PTPRN2: variants seen among roughly 807,000 people sequenced by gnomAD.
PTPRN2 encodes the protein receptor-type tyrosine-protein phosphatase N2.
In PTPRN2, 74 loss-of-function variants were observed where a neutral mutation model predicts 118.8. The ratio of observed to expected loss-of-function variants is 0.62; its 90% CI spans 0.52 to 0.76. The LOEUF (loss-of-function observed/expected upper bound fraction) is 0.76, where lower values mean the gene tolerates loss of function less well. Ranked by LOEUF, PTPRN2 falls within the 30% of genes least tolerant of loss-of-function variation. PTPRN2 has a pLI of 0.00. For synonymous variants in PTPRN2, 641 were observed against 608.0 expected (o/e 1.05, Z -0.80); for missense variants, 1,481 against 1,394.4 (o/e 1.06, Z -0.99).
intron 12 of PTPRN2, among the ~76,000 whole-genome samples, chr7:157,740,104 C>T (rs529315751): frequency 6.6e-6 from 1 of 152,340 alleles, no homozygotes; most frequent in Admixed American, 6.5e-5. Flanking sequence ...AGCAGGACCC[C>T]TTCCTCCATA....
At chr7:157,778,029 A>G (rs949865493) in intron 12 of PTPRN2, among the ~76,000 whole-genome samples, 2 of 152,158 alleles carry the variant, frequency 1.3e-5, no homozygotes, top group South Asian at 2.1e-4. Context: ...GCAAAAACCA[A>G]TTCAGACAGG....
At chr7:158,552,511 G>C (rs1826729462) in intron 1 of PTPRN2, among the ~76,000 whole-genome samples, 1 of 152,166 alleles carries the variant, frequency 6.6e-6, no homozygotes, top group African/African-American at 2.4e-5. Flanking sequence ...GTGCACTGAT[G>C]CAATCTCAGC....
chr7:158,238,401 G>A (rs975276155), intron 3 of PTPRN2, among the ~76,000 whole-genome samples: 7 of 152,080 alleles, frequency 4.6e-5, no homozygotes, highest in East Asian at 1.9e-4. Context: ...CAGGCGAGAC[G>A]CGGGGCACAG....
chr7:158,505,513 G>A (rs1822678858), intron 1 of PTPRN2, among the ~76,000 whole-genome samples: 1 of 152,190 alleles, frequency 6.6e-6, no homozygotes, highest in South Asian at 2.1e-4. Flanking sequence ...AATTAATGCA[G>A]GGCTGTCAAC....
At chr7:158,245,265 G>A (rs1796167113) in intron 3 of PTPRN2, among the ~76,000 whole-genome samples, 1 of 150,258 alleles carries the variant, frequency 6.7e-6, no homozygotes, top group Non-Finnish European at 1.5e-5. Flanking sequence ...GGAATCCACG[G>A]TCATGCCGGA....
intron 2 of PTPRN2, among the ~76,000 whole-genome samples, chr7:158,325,916 G>A (rs552577151): frequency 2.4e-4 from 37 of 152,354 alleles, no homozygotes; most frequent in African/African-American, 7.9e-4. Flanking sequence ...CCAGACAAAA[G>A]GAACGGGCAG....
intron 2 of PTPRN2, among the ~76,000 whole-genome samples, chr7:158,357,718 G>A (rs1484719707): frequency 1.1e-4 from 17 of 152,228 alleles, no homozygotes; most frequent in Non-Finnish European, 1.9e-4. Context: ...CTTATGTCCC[G>A]TAAGGTTCCA....
At chr7:158,392,696 T>C (rs1812034262) in intron 2 of PTPRN2, among the ~76,000 whole-genome samples, 1 of 152,138 alleles carries the variant, frequency 6.6e-6, no homozygotes, top group Non-Finnish European at 1.5e-5. Context: ...AGCCGGGCCC[T>C]GGGTCCAGTC....
chr7:157,668,967 A>T (rs75747065), intron 13 of PTPRN2, among the ~76,000 whole-genome samples: 5,574 of 152,344 alleles, frequency 0.037, 266 homozygotes, highest in South Asian at 0.099. Context: ...CATAAAACTC[A>T]GAGGGACTCA....
At chr7:157,580,428 TACCTGCACACCCCAGC>T (rs1217693596) in intron 17 of PTPRN2, among the ~76,000 whole-genome samples, 397 of 147,464 alleles carry the variant, frequency 2.7e-3, no homozygotes, top group African/African-American at 8.9e-3. Flanking sequence ...CACAGCCGAG[TACCTGCACACCCCAGC>T]ACCTGCACAC....
intron 1 of PTPRN2, among the ~76,000 whole-genome samples, chr7:158,493,847 ACT>A (rs1410549338): frequency 5.3e-5 from 8 of 151,088 alleles, no homozygotes; most frequent in Non-Finnish European, 1.0e-4. Context: ...ACATGCACAC[ACT>A]CATACATGTG....
At position 157,845,760 on chromosome 7, in the gene PTPRN2, C is replaced by A. The variant is rs1436088875; in HGVS notation, c.1788+52913G>T. On this transcript the variant is annotated intron_variant, in intron 12 of 22. Transcript: ENST00000389418. The surrounding 1 kb of genome is among the most constrained non-coding windows in gnomAD (Gnocchi z 4.5). ...TCATGACTCACAGAGACGGGGACGG[C>A]AGCAAGGACACAGCAGGGCCATGGG... Among the ~76,000 whole-genome samples the A allele has an allele frequency of 6.6e-6, 1 of 152,132 alleles. No individual in the cohort carries two copies. Among genetic ancestry groups the A allele is most frequent in the African/African-American group, 2.4e-5 (1 of 41,418 alleles).
In PTPRN2 at chr7:157,582,152, C is replaced by A. The variant is rs184862365; in HGVS notation, c.2497-4012G>T. On this transcript the variant is annotated intron_variant, in intron 17 of 22. Coordinates refer to ENST00000389418, the MANE Select transcript of PTPRN2 (RefSeq NM_002847.5). ...GCCCTAGCAAGAGATGCATCCGCTG[C>A]AACCTCACTCTCTTCTTCACCCATC... Among the ~76,000 whole-genome samples, 15 of 152,338 alleles carry A rather than the reference C, an allele frequency of 9.8e-5. No homozygotes were observed. The East Asian group carries it at 2.9e-3, about 29-fold the overall frequency.
chr7:158,077,182 A>T (rs965263040), intron 11 of PTPRN2, among the ~76,000 whole-genome samples: 6 of 152,126 alleles, frequency 3.9e-5, no homozygotes, highest in African/African-American at 7.2e-5. Context: ...CTGAGCCGGG[A>T]TTCAAGAGAG....
chr7:157,628,929 G>A (rs551875985), intron 14 of PTPRN2, among the ~76,000 whole-genome samples: 5 of 152,246 alleles, frequency 3.3e-5, no homozygotes, highest in African/African-American at 9.6e-5. Context: ...CTGTCTTCAG[G>A]AGAGGAAATC....
At chr7:158,089,546 A>G (rs200385073) in intron 10 of PTPRN2, among the ~76,000 whole-genome samples, 31 of 93,388 alleles carry the variant, frequency 3.3e-4, no homozygotes, top group South Asian at 8.3e-4. Flanking sequence ...TGAAAGAGGG[A>G]GTCTTCACAC....
At chr7:158,337,402 ACGTCCCT>A (rs1805850076) in intron 2 of PTPRN2, among the ~76,000 whole-genome samples, 1 of 142,280 alleles carries the variant, frequency 7.0e-6, no homozygotes, top group Non-Finnish European at 1.5e-5. Context: ...ACACCTGCAG[ACGTCCCT>A]CACACCCACA....
chr7:158,468,593 G>C (rs1361654667), intron 2 of PTPRN2, among the ~76,000 whole-genome samples: 1 of 152,132 alleles, frequency 6.6e-6, no homozygotes, highest in African/African-American at 2.4e-5. Context: ...CGGCATGGCT[G>C]ACCCCCTTGT....
chr7:158,131,201 CT>C (rs1818235198), intron 9 of PTPRN2, among the ~76,000 whole-genome samples: 1 of 151,772 alleles, frequency 6.6e-6, no homozygotes, highest in South Asian at 2.1e-4. Flanking sequence ...GACATACACA[CT>C]CATATACACA....
Sources: allele counts gnomAD v4.1 joint callset (sites outside exome capture counted in the v4.1 genomes callset), GRCh38; gene constraint gnomAD v4.1.1; non-coding constraint Gnocchi (gnomAD v3.1); transcripts MANE v1.5; gene names NCBI Gene and HGNC (gene_info 2026-07-23, HGNC 2026-07-21).